ZC3H12B: variants seen among roughly 807,000 people sequenced by gnomAD.
The protein encoded by ZC3H12B is zinc finger CCCH-type containing 12B.
ZC3H12B carries 7 observed loss-of-function variants against 43.9 expected under a neutral mutation model. The observed-to-expected ratio is 0.16, with a 90% confidence interval of 0.09 to 0.30. The LOEUF (loss-of-function observed/expected upper bound fraction) is 0.30, where lower values mean the gene tolerates loss of function less well. Among genes scored for constraint, ZC3H12B ranks in the 10% least tolerant of loss-of-function variants. The pLI, the probability that ZC3H12B is intolerant of heterozygous loss-of-function variation, is 1.00. For synonymous variants in ZC3H12B, 222 were observed against 241.7 expected, an observed-to-expected ratio of 0.92 and a Z score of 0.76; for missense variants, 475 against 670.2, an observed-to-expected ratio of 0.71 and a Z score of 3.22.
chrX:65,230,896 C>T, the ZC3H12B span, among the ~76,000 whole-genome samples: 4 of 111,891 alleles, frequency 3.6e-5, no homozygotes, highest in African/African-American at 9.8e-5. Context: ...TACTTTAACG[C>T]TGTAATTTTG....
chrX:65,400,465 C>T lies in ZC3H12B; in HGVS notation n.407+1761C>T, dbSNP rs182417892. On this transcript the variant is annotated intron_variant and non_coding_transcript_variant, in intron 3 of 5. Coordinates refer to the ZC3H12B transcript ENST00000617377. ...GTTATTGTCATTCTCTTCCCAAATT[C>T]TGTTATTTTTAGACAGTAATGCTAC... Among the ~76,000 whole-genome samples the T allele has an allele frequency of 2.0e-3, 220 of 111,967 alleles. No homozygotes were observed. In the Middle Eastern group the frequency reaches 0.023, roughly 12 times the overall value.
rs991420893 is a variant in ZC3H12B, at chrX:65,459,991, A to G, written n.408-28655A>G. 3.6e-5 allele frequency among the ~76,000 whole-genome samples: 4 copies of G among 112,291 alleles called. No homozygotes were observed. The Admixed American group carries it at 3.8e-4, about 11-fold the overall frequency. ...CTCAGCCCAAAATCTCCTTAAGCTG[A>G]TAAGCAACTTCAGCAAAGTCTCAGG... On this transcript the variant is annotated intron_variant and non_coding_transcript_variant, in intron 3 of 5. Transcript: ENST00000617377.
chrX:65,328,883 A>T, the ZC3H12B span, among the ~76,000 whole-genome samples: 4 of 109,188 alleles, frequency 3.7e-5, no homozygotes, highest in East Asian at 1.2e-3. Flanking sequence ...GGATTTCATC[A>T]TTTTTTATGG....
chrX:65,477,822 T>C (rs1259027194), intron 3 of ZC3H12B, among the ~76,000 whole-genome samples: 1 of 102,766 alleles, frequency 9.7e-6, no homozygotes, highest in Non-Finnish European at 2.0e-5. Flanking sequence ...TTCCTCTGTG[T>C]GTGTGTGTGT....
the ZC3H12B span, among the ~76,000 whole-genome samples, chrX:65,073,018 C>A: frequency 8.9e-6 from 1 of 112,342 alleles, no homozygotes; most frequent in African/African-American, 3.2e-5. Flanking sequence ...CCTCTGTTTT[C>A]TGAGCCTAGT....
chrX:65,408,588 G>A (rs2066865823), intron 3 of ZC3H12B: 1 of 1,150,562 alleles, frequency 8.7e-7, no homozygotes, highest in Admixed American at 2.4e-5. Context: ...GCACTGTCTA[G>A]TGCTCTGAGT....
chrX:65,288,914 A>G, the ZC3H12B span, among the ~76,000 whole-genome samples: 1 of 112,039 alleles, frequency 8.9e-6, no homozygotes, highest in Non-Finnish European at 1.9e-5. Flanking sequence ...TACAAAATCA[A>G]CATACAAATA....
At chrX:65,388,786 G>A (rs1288946425) in intron 2 of ZC3H12B, among the ~76,000 whole-genome samples, 1 of 111,391 alleles carries the variant, frequency 9.0e-6, no homozygotes, top group Non-Finnish European at 1.9e-5. Context: ...TCTACCTTTA[G>A]TCTTTGATGA....
At chrX:65,369,946 C>G (rs1411843758) in intron 2 of ZC3H12B, among the ~76,000 whole-genome samples, 1 of 111,061 alleles carries the variant, frequency 9.0e-6, no homozygotes, top group Non-Finnish European at 1.9e-5. Context: ...ATTTAGGTAC[C>G]TGGCCAGGCT....
chrX:65,426,411 A>G (rs1316440773), intron 3 of ZC3H12B, among the ~76,000 whole-genome samples: 1 of 105,933 alleles, frequency 9.4e-6, no homozygotes, highest in East Asian at 2.9e-4. Context: ...AAAAAAAAAA[A>G]AAAAACACAG....
chrX:65,244,416 C>A, the ZC3H12B span, among the ~76,000 whole-genome samples: 1 of 110,212 alleles, frequency 9.1e-6, no homozygotes, highest in East Asian at 2.9e-4. Context: ...ATCCAATAGA[C>A]TTGCTCATCA....
the ZC3H12B span, among the ~76,000 whole-genome samples, chrX:65,085,063 T>C: frequency 9.0e-6 from 1 of 111,519 alleles, no homozygotes; most frequent in East Asian, 2.8e-4. Flanking sequence ...ATTGAATCAA[T>C]TGAACTCATG....
chrX:65,458,962 G>T (rs925670577), intron 3 of ZC3H12B, among the ~76,000 whole-genome samples: 6 of 109,583 alleles, frequency 5.5e-5, no homozygotes, highest in African/African-American at 2.0e-4. Flanking sequence ...TAGACTGCTA[G>T]CAAGACTAAT....
chrX:65,108,199 A>G, the ZC3H12B span, among the ~76,000 whole-genome samples: 1 of 111,533 alleles, frequency 9.0e-6, no homozygotes, highest in African/African-American at 3.3e-5. Context: ...TAAACACTGT[A>G]TGCTTAGGCT....
At chrX:65,393,966 T>A (rs190779556) in intron 2 of ZC3H12B, among the ~76,000 whole-genome samples, 1 of 112,787 alleles carries the variant, frequency 8.9e-6, no homozygotes, top group East Asian at 2.8e-4. Flanking sequence ...ATGAGCTTTT[T>A]TTCATATGCT....
At chrX:65,157,760 C>CT in the ZC3H12B span, among the ~76,000 whole-genome samples, 3 of 87,473 alleles carry the variant, frequency 3.4e-5, no homozygotes, top group African/African-American at 3.1e-4. Context: ...CTACCTTTCC[C>CT]TTTTCTTTTT....
the ZC3H12B span, among the ~76,000 whole-genome samples, chrX:65,236,740 C>T: frequency 8.9e-6 from 1 of 111,865 alleles, no homozygotes; most frequent in Admixed American, 9.5e-5. Flanking sequence ...GTTAGGAAGG[C>T]TTACAATTTC....
the ZC3H12B span, among the ~76,000 whole-genome samples, chrX:65,078,663 AAG>A: frequency 5.4e-5 from 6 of 111,718 alleles, no homozygotes; most frequent in Non-Finnish European, 1.1e-4. Flanking sequence ...GAAGTGTGAC[AAG>A]AGAGTGACAA....
the ZC3H12B span, among the ~76,000 whole-genome samples, chrX:65,214,318 A>T: frequency 3.6e-5 from 4 of 111,942 alleles, no homozygotes; most frequent in Admixed American, 3.8e-4. Context: ...GCTGTTTGAT[A>T]GCAGTTTATC....
Sources: allele counts gnomAD v4.1 joint callset (sites outside exome capture counted in the v4.1 genomes callset), GRCh38; gene constraint gnomAD v4.1.1; transcripts MANE v1.5; gene names NCBI Gene and HGNC (gene_info 2026-07-23, HGNC 2026-07-21).